PDE3A: variants seen among roughly 807,000 people sequenced by gnomAD.
The protein encoded by PDE3A is cGMP-inhibited 3',5'-cyclic phosphodiesterase 3A.
Under a neutral mutation model 98.3 loss-of-function variants are expected in PDE3A, and 43 were observed. That is an observed-to-expected ratio of 0.44 (90% CI 0.34 to 0.56). The LOEUF (loss-of-function observed/expected upper bound fraction) is 0.56, where lower values mean the gene tolerates loss of function less well. PDE3A is among the 20% of genes least tolerant of loss of function. PDE3A has a pLI of 0.01. For synonymous variants in PDE3A, 663 were observed against 567.9 expected, an observed-to-expected ratio of 1.17 and a Z score of -2.38; for missense variants, 1,427 against 1,440.7, an observed-to-expected ratio of 0.99 and a Z score of 0.15.
chr12:20,614,547 G>T (rs1326194294), intron 3 of PDE3A, among the ~76,000 whole-genome samples: 1 of 152,108 alleles, frequency 6.6e-6, no homozygotes, highest in Non-Finnish European at 1.5e-5. Context: ...TATTTACATA[G>T]TTTCCTTCCA....
chr12:20,559,909 T>G (rs950370403), intron 2 of PDE3A, among the ~76,000 whole-genome samples: 1 of 152,194 alleles, frequency 6.6e-6, no homozygotes, highest in Non-Finnish European at 1.5e-5. Context: ...TTATAACTTC[T>G]GTATAAATGC....
At chr12:20,665,152 C>T (rs958706992) in intron 15 of PDE3A, among the ~76,000 whole-genome samples, 3 of 152,126 alleles carry the variant, frequency 2.0e-5, no homozygotes, top group Non-Finnish European at 2.9e-5. Flanking sequence ...TATAAATGTA[C>T]CTGCTTGTTC....
intron 1 of PDE3A, among the ~76,000 whole-genome samples, chr12:20,415,401 CTTAT>C (rs71039941): frequency 1.3e-5 from 2 of 148,892 alleles, no homozygotes; most frequent in Non-Finnish European, 3.0e-5. Context: ...CTTTTATCTA[CTTAT>C]TTATTTATTT....
chr12:20,509,723 A>G (rs2121111287), intron 1 of PDE3A, among the ~76,000 whole-genome samples: 1 of 152,120 alleles, frequency 6.6e-6, no homozygotes, highest in South Asian at 2.1e-4. Flanking sequence ...CGGATGTTAA[A>G]TGTCTTTTCT....
At position 20,551,623 on chromosome 12, in the gene PDE3A, A is replaced by C. The variant is rs569211239; in HGVS notation, c.961-5037A>C. 75 of 1,576,106 alleles carry C rather than the reference A, an allele frequency of 4.8e-5. No individual in the cohort carries two copies. In the African/African-American group the frequency reaches 9.6e-4, roughly 20 times the overall value. On this transcript the variant is annotated intron_variant, in intron 1 of 15. Transcript: ENST00000359062. ...CCGGCAGGACCCCGACAAGCAGCTC[A>C]TGTGCGATGAGTGCGACATGGCCTT...
At chr12:20,378,010 C>A (rs1943601955) in intron 1 of PDE3A, among the ~76,000 whole-genome samples, 1 of 151,744 alleles carries the variant, frequency 6.6e-6, no homozygotes, top group Admixed American at 6.6e-5. Flanking sequence ...CTAAAAGTCA[C>A]AAGCCTGCTC....
chr12:20,628,745 AAAAG>A (rs1357412972), intron 5 of PDE3A, among the ~76,000 whole-genome samples: 3 of 152,322 alleles, frequency 2.0e-5, no homozygotes, highest in African/African-American at 7.2e-5. Context: ...AACAACGACA[AAAAG>A]AAATAACAGC....
rs527542169 is a variant in PDE3A at position 20,503,697 on chromosome 12, T to G, written c.961-52963T>G. Among the ~76,000 whole-genome samples, 161 of 152,220 alleles carry G rather than the reference T, an allele frequency of 1.1e-3. 1 individual carries two copies. Among genetic ancestry groups the G allele is most frequent in the African/African-American group, 3.7e-3 (154 of 41,574 alleles). On this transcript the variant is annotated intron_variant, in intron 1 of 15. Transcript: ENST00000359062. ...TGCATGTTATTATGTCATAACTACC[T>G]TATTTCAATACATTTCTGTGTTTGA...
At chr12:20,446,375 A>G (rs1482128659) in intron 1 of PDE3A, among the ~76,000 whole-genome samples, 1 of 152,156 alleles carries the variant, frequency 6.6e-6, no homozygotes, top group Non-Finnish European at 1.5e-5. Flanking sequence ...GGTGAGGGAA[A>G]ACATTATTTT....
At chr12:20,480,314 A>G (rs1456217365) in intron 1 of PDE3A, among the ~76,000 whole-genome samples, 1 of 152,300 alleles carries the variant, frequency 6.6e-6, no homozygotes, top group South Asian at 2.1e-4. Flanking sequence ...CATCCAGGTT[A>G]TATATTTTTT....
intron 10 of PDE3A, among the ~76,000 whole-genome samples, chr12:20,642,720 T>C (rs1944672722): frequency 6.6e-6 from 1 of 152,172 alleles, no homozygotes; most frequent in Non-Finnish European, 1.5e-5. Context: ...CTATATTTAG[T>C]TCAGTTCAAT....
intron 1 of PDE3A, among the ~76,000 whole-genome samples, chr12:20,401,690 C>T (rs1944134252): frequency 6.6e-6 from 1 of 152,158 alleles, no homozygotes; most frequent in Admixed American, 6.5e-5. Context: ...GCTCTTTCTC[C>T]TTCCTCTGAG....
chr12:20,613,416 C>T lies in PDE3A; in HGVS notation c.1012-27C>T, dbSNP rs773566297. 12 of 1,612,168 alleles carry T rather than the reference C, an allele frequency of 7.4e-6. No homozygotes were observed. In the Admixed American group the frequency reaches 8.3e-5, roughly 11 times the overall value. ...CCTTCAGATTCAGGCCTTTTCTTGC[C>T]TGATCTTGTCTTGGTTTGTGTCTCA... On this transcript the variant is annotated intron_variant, in intron 2 of 15. Coordinates refer to ENST00000359062, the MANE Select transcript of PDE3A (RefSeq NM_000921.5).
At chr12:20,647,055 T>C in intron 12 of PDE3A, 105 bp downstream of exon 12, 1 of 704,114 alleles carries the variant, frequency 1.4e-6, no homozygotes, top group Middle Eastern at 4.0e-4. Context: ...AGCCAAACTA[T>C]ACATAGTCTT....
chr12:20,397,433 A>C (rs1944038885), intron 1 of PDE3A, among the ~76,000 whole-genome samples: 1 of 152,088 alleles, frequency 6.6e-6, no homozygotes, highest in Non-Finnish European at 1.5e-5. Context: ...AAAGATACAT[A>C]TAAAGAATTA....
rs938212451 is a variant in PDE3A, at chr12:20,581,072, A to G, written c.1011+24362A>G. Among the ~76,000 whole-genome samples the G allele has an allele frequency of 3.3e-5, 5 of 152,330 alleles. No homozygotes were observed. In the South Asian group the frequency reaches 1.0e-3, roughly 32 times the overall value. ...CAAACAACCTTTCTTACAATGAACTAATTTGGGTTTGAGGAAAAAAATAGC... is the reference window on the plus strand; with the variant it reads ...CAAACAACCTTTCTTACAATGAACTGATTTGGGTTTGAGGAAAAAAATAGC... On this transcript the variant is annotated intron_variant, in intron 2 of 15. Coordinates refer to ENST00000359062, the MANE Select transcript of PDE3A (RefSeq NM_000921.5).
chr12:20,613,006 A>T (rs185940855), intron 2 of PDE3A, among the ~76,000 whole-genome samples: 26 of 152,210 alleles, frequency 1.7e-4, no homozygotes, highest in African/African-American at 6.3e-4. Flanking sequence ...CATTGAATAA[A>T]CACCAGGTTC....
intron 2 of PDE3A, among the ~76,000 whole-genome samples, chr12:20,581,890 C>G (rs1470105425): frequency 6.6e-6 from 1 of 152,038 alleles, no homozygotes; most frequent in East Asian, 1.9e-4. Flanking sequence ...ACATAGATTT[C>G]TAAATGTAAA....
chr12:20,376,273 A>G (rs1278373910), intron 1 of PDE3A, among the ~76,000 whole-genome samples: 11 of 151,880 alleles, frequency 7.2e-5, no homozygotes, highest in Admixed American at 7.2e-4. Context: ...AGTTAGCTAT[A>G]TGTGTGAAGA....
Sources: gnomAD v4.1 joint callset for allele counts (sites outside exome capture counted in the v4.1 genomes callset) on GRCh38, gnomAD v4.1.1 for gene constraint, MANE v1.5 for transcripts, NCBI Gene and HGNC (gene_info 2026-07-23, HGNC 2026-07-21) for gene names.